The following RICTOR variants were observed in gnomAD, a reference collection of about 807,000 sequenced individuals.
RICTOR encodes rapamycin-insensitive companion of mTOR.
Under a neutral mutation model 214.9 loss-of-function variants are expected in RICTOR, and 49 were observed. The observed-to-expected ratio is 0.23, with a 90% confidence interval of 0.18 to 0.29. The LOEUF (loss-of-function observed/expected upper bound fraction) is 0.29. Among genes scored for constraint, RICTOR ranks in the 10% least tolerant of loss-of-function variants. The pLI, the probability that RICTOR is intolerant of heterozygous loss-of-function variation, is 1.00. For synonymous variants in RICTOR, 717 were observed against 711.3 expected (o/e 1.01, Z -0.13); for missense variants, 1,625 against 2,047.0 (o/e 0.79, Z 3.98).
chr5:39,001,051 T>C (rs748939706), intron 5 of RICTOR, among the ~76,000 whole-genome samples: 3 of 152,076 alleles, frequency 2.0e-5, no homozygotes, highest in Non-Finnish European at 2.9e-5. Context: ...AGAGCATCAA[T>C]GCAATCCCTG....
rs1751742822 is a variant in RICTOR, at chr5:38,981,887, G to A, written c.733C>T (p.Arg245Ter). ...CCTACCTCTAATTCTACATCAGCTCGCACATACTGTCGAGTCTTTGGATGA... is the reference window on the plus strand; with the variant it reads ...CCTACCTCTAATTCTACATCAGCTCACACATACTGTCGAGTCTTTGGATGA... ...LNHPKTRQYV[R>*]ADVELERILA... The change falls in exon 8 of 38, where the codon CGA (arginine) becomes TGA (stop). Residue 245 changes from arginine to a stop codon, truncating the protein, a stop_gained. Transcript: ENST00000357387. LOFTEE classifies it high-confidence loss of function. 6.2e-7 allele frequency: 1 copy of A among 1,611,022 alleles called. No homozygotes were observed. Among genetic ancestry groups the A allele is most frequent in the African/African-American group, 1.3e-5 (1 of 74,920 alleles).
In RICTOR at chr5:38,959,968, C is replaced by T. The variant is rs901577067; in HGVS notation, c.1862G>A (p.Gly621Asp). The change falls in exon 21 of 38, where the codon GGC becomes GAC. Residue 621 changes from glycine (G) to aspartate (D), a missense_variant. Transcript: ENST00000357387. ...FLLESEEDGQ[G>D]YLEDLVKDIV... ...ATCCTTTACTAGATCTTCTAAGTAG[C>T]CTTGCCCATCCTAAAAGTAAATACA... 1 of 1,602,598 alleles carries T rather than the reference C, an allele frequency of 6.2e-7. No individual in the cohort carries two copies. The highest frequency in any genetic ancestry group is 8.5e-7 in the Non-Finnish European group (1 of 1,170,102).
intron 30 of RICTOR, 93 bp downstream of exon 30, chr5:38,952,102 CA>C: frequency 2.6e-6 from 2 of 763,052 alleles, no homozygotes; most frequent in Non-Finnish European, 4.3e-6. Context: ...TAGACAAAAG[CA>C]AATTACAAAT....
chr5:39,001,222 G>T (rs1415591810), intron 5 of RICTOR, among the ~76,000 whole-genome samples: 1 of 152,024 alleles, frequency 6.6e-6, no homozygotes, highest in Non-Finnish European at 1.5e-5. Flanking sequence ...AAACAGTTGA[G>T]AAACTGGTGC....
At chr5:39,031,238 CCGCCTT>C (rs1309778384) in intron 2 of RICTOR, among the ~76,000 whole-genome samples, 1 of 152,158 alleles carries the variant, frequency 6.6e-6, no homozygotes, top group Non-Finnish European at 1.5e-5. Flanking sequence ...TTGTTGATAA[CCGCCTT>C]AAAGAGGCAC....
In RICTOR at chr5:38,964,803, C is replaced by T; in HGVS notation, c.1389G>A (p.Lys463=). 4 of 1,573,216 alleles carry T rather than the reference C, an allele frequency of 2.5e-6. No individual in the cohort carries two copies. The highest frequency in any genetic ancestry group is 2.6e-6 in the Non-Finnish European group (3 of 1,147,748). Reference sequence around the variant, plus strand: ...GCTCTGATACTTACAGTCTCTTTTCCTTGGGGATATCAAAGGATGCAGCCA... The same window carrying T: ...GCTCTGATACTTACAGTCTCTTTTCTTTGGGGATATCAAAGGATGCAGCCA... ...MNMAASFDIP[K]EKRLRASAAL... The change falls in exon 16 of 38, where the codon AAG becomes AAA. Residue 463 remains lysine, a synonymous_variant. Transcript: ENST00000357387.
intron 2 of RICTOR, among the ~76,000 whole-genome samples, chr5:39,064,451 T>C (rs900616852): frequency 2.6e-5 from 4 of 152,200 alleles, no homozygotes; most frequent in African/African-American, 9.6e-5. Context: ...CATAAAATAT[T>C]TTCTCACCAA....
chr5:38,979,565 A>G (rs1266323917), intron 8 of RICTOR, among the ~76,000 whole-genome samples: 1 of 151,980 alleles, frequency 6.6e-6, no homozygotes, highest in African/African-American at 2.4e-5. Context: ...ATATTTATTA[A>G]TTTATACAGT....
intron 2 of RICTOR, among the ~76,000 whole-genome samples, chr5:39,031,775 C>T (rs1756292186): frequency 6.6e-6 from 1 of 152,122 alleles, no homozygotes; most frequent in African/African-American, 2.4e-5. Context: ...CAAAATTAAA[C>T]AATTACACAA....
intron 2 of RICTOR, among the ~76,000 whole-genome samples, chr5:39,032,639 A>G (rs1221681868): frequency 6.6e-6 from 1 of 152,202 alleles, no homozygotes; most frequent in Non-Finnish European, 1.5e-5. Context: ...AGACAGACAC[A>G]AGAATACAGG....
rs1247477615 is a variant in RICTOR, at chr5:39,074,350, G to A, written c.28C>T (p.Leu10=). Residue 10 remains leucine (L), a synonymous_variant, in exon 1 of 38, where the codon CTG becomes TTG. Coordinates refer to ENST00000357387, the MANE Select transcript of RICTOR (RefSeq NM_152756.5). MAAIGRGRS[L]KNLRVRGRND... is the part of the protein sequence containing the mutation. ...TTACCTCGTACTCGGAGGTTCTTCA[G>A]AGAGCGGCCGCGGCCGATCGCCGCC... The A allele has an allele frequency of 2.2e-5, 34 of 1,539,366 alleles. 1 individual carries two copies. The highest frequency in any genetic ancestry group is 5.0e-5 in the East Asian group (2 of 39,658).
intron 32 of RICTOR, 103 bp downstream of exon 32, chr5:38,947,161 C>T: frequency 1.3e-6 from 1 of 799,820 alleles, no homozygotes; most frequent in Non-Finnish European, 2.0e-6. Flanking sequence ...CATGCTGCCC[C>T]AAACTGGTGC....
intron 5 of RICTOR, among the ~76,000 whole-genome samples, chr5:38,999,270 T>C (rs1047051892): frequency 2.0e-5 from 3 of 150,258 alleles, no homozygotes; most frequent in Non-Finnish European, 4.4e-5. Context: ...TACCAATCAA[T>C]AGGACAGAAT....
At position 38,960,478 on chromosome 5, in the gene RICTOR, G is replaced by C. The variant is rs1749703807; in HGVS notation, c.1771C>G (p.Leu591Val). ...TTGGCCTTGGCAAAATCCAGATCCA[G>C]GTTGGCATATAATTTACTGCTGGGC... ...YKPSSKLYANLDLDFAKAKQL... is the reference protein window; with the variant it reads ...YKPSSKLYANVDLDFAKAKQL... Residue 591 changes from leucine to valine, a missense_variant, in exon 20 of 38, where the codon CTG becomes GTG. This residue lies in a region of RICTOR where 1,214 missense variants were observed against 1,470.5 expected (regional missense o/e 0.83). Transcript: ENST00000357387. 1.2e-6 allele frequency: 2 copies of C among 1,613,818 alleles called. No individual in the cohort carries two copies. The highest frequency in any genetic ancestry group is 1.7e-6 in the Non-Finnish European group (2 of 1,179,738).
chr5:39,074,020 G>A, intron 2 of RICTOR, 91 bp downstream of exon 2: 2 of 948,550 alleles, frequency 2.1e-6, no homozygotes, highest in South Asian at 3.3e-5. Flanking sequence ...CCGGTCCCGT[G>A]CGGGGCCCGC....
Position 38,945,049 on chromosome 5 carries a change from A to G in RICTOR, c.4653T>C (p.Tyr1551=), listed in dbSNP as rs913387937. 4 of 1,604,720 alleles carry G rather than the reference A, an allele frequency of 2.5e-6. No homozygotes were observed. The highest frequency in any genetic ancestry group is 1.7e-6 in the Non-Finnish European group (2 of 1,175,096). ...GGATAGTCTGCTCACACCAATCAGA[A>G]TATGGAATATCTTGAAAGTCTGAAG... ...CSHSDFQDIP[Y]SDWCEQTIHN... The change falls in exon 35 of 38, where the codon TAT becomes TAC. Residue 1551 remains tyrosine, a synonymous_variant. Transcript: ENST00000357387.
chr5:39,042,223 T>C (rs1757224052), intron 2 of RICTOR, among the ~76,000 whole-genome samples: 1 of 152,154 alleles, frequency 6.6e-6, no homozygotes, highest in Admixed American at 6.5e-5. Flanking sequence ...TTATTTAATC[T>C]GAAATCTAAG....
rs116465896 is a variant in RICTOR at position 39,040,670 on chromosome 5, T to C, written c.98-19534A>G. On this transcript the variant is annotated intron_variant, in intron 2 of 37. Transcript: ENST00000357387. ...ACTGGAAAACAGGTTGTCCCCTAGA[T>C]TGTATTCCATAATTTTATTACTTAT... Among the ~76,000 whole-genome samples the C allele has an allele frequency of 5.0e-3, 756 of 152,086 alleles. 11 individuals carry two copies. Among genetic ancestry groups the C allele is most frequent in the African/African-American group, 0.018 (727 of 41,540 alleles).
At chr5:39,027,704 C>T (rs1337382697) in intron 2 of RICTOR, among the ~76,000 whole-genome samples, 2 of 152,142 alleles carry the variant, frequency 1.3e-5, no homozygotes, top group Non-Finnish European at 2.9e-5. Flanking sequence ...TAAAAAATTA[C>T]TAACACTTCC....
Sources: gnomAD v4.1 joint callset for allele counts (sites outside exome capture counted in the v4.1 genomes callset) on GRCh38, gnomAD v4.1.1 for gene constraint, gnomAD v4.1.1 regional missense constraint, MANE v1.5 for transcripts, NCBI Gene and HGNC (gene_info 2026-07-23, HGNC 2026-07-21) for gene names.